Variants in MEF2C observed in about 807,000 individuals in gnomAD.
MEF2C encodes myocyte-specific enhancer factor 2C.
In MEF2C, 6 loss-of-function variants were observed where a neutral mutation model predicts 50.5. The ratio of observed to expected loss-of-function variants is 0.12; its 90% CI spans 0.07 to 0.23. The LOEUF is 0.23. Among genes scored for constraint, MEF2C ranks in the 10% least tolerant of loss-of-function variants. MEF2C has a pLI of 1.00. For synonymous variants in MEF2C, 183 were observed against 228.0 expected (o/e 0.80, Z 1.78); for missense variants, 276 against 605.0 (o/e 0.46, Z 5.70).
In MEF2C at chr5:88,720,627, A is replaced by G. The variant is rs1323060802; in HGVS notation, c.*1977T>C. The G allele has an allele frequency of 6.6e-6, 1 of 152,578 alleles. No homozygotes were observed. Among genetic ancestry groups the G allele is most frequent in the Non-Finnish European group, 1.5e-5 (1 of 68,000 alleles). 9.5% of individuals were successfully genotyped at this position (152,578 alleles called of 1,614,324 possible). ...TTCTTTGCTGTGTATGTCAATGCAT[A>G]TGATTGGAGATGAATCGACAGATCT... On this transcript the variant is annotated 3_prime_UTR_variant, in exon 11 of 11. Transcript: ENST00000504921.
intron 3 of MEF2C, among the ~76,000 whole-genome samples, chr5:88,794,957 G>T (rs183968552): frequency 6.6e-6 from 1 of 152,136 alleles, no homozygotes; most frequent in Non-Finnish European, 1.5e-5. Context: ...AGTTGTAGAT[G>T]TGTGGCATTA....
In MEF2C at chr5:88,747,444, G is replaced by T. The variant is rs1381077165; in HGVS notation, c.637+1626C>A. The stretch of plus-strand genomic sequence containing the variant: ...GCTCACTGCAAGCTCTGCCTCCCGG[G>T]TTCACGCCATTCTCCTGCCTCAGCC... On this transcript the variant is annotated intron_variant, in intron 6 of 10. Transcript: ENST00000504921. Among the ~76,000 whole-genome samples the T allele has an allele frequency of 1.3e-4, 5 of 39,130 alleles. 2 individuals carry two copies. The highest frequency in any genetic ancestry group is 3.7e-4 in the Non-Finnish European group (5 of 13,576). The allele number at this position is 39,130 out of a possible 152,430, so 25.7% of individuals were successfully genotyped here. A position where few individuals can be genotyped will look rare whatever the true frequency, so the allele number is the denominator to read the frequency against.
In MEF2C at chr5:88,747,333, CTTTTTTTTTTTTTTTTT is replaced by C. The variant is rs950842424; in HGVS notation, c.637+1720_637+1736del. 2.7e-3 allele frequency among the ~76,000 whole-genome samples: 58 copies of C among 21,748 alleles called. 2 individuals are homozygous for C. Among genetic ancestry groups the C allele is most frequent in the African/African-American group, 5.4e-3 (49 of 9,050 alleles). The allele number at this position is 21,748 out of a possible 152,430, so 14.3% of individuals were successfully genotyped here. On this transcript the variant is annotated intron_variant, in intron 6 of 10. Coordinates refer to ENST00000504921, the MANE Select transcript of MEF2C (RefSeq NM_002397.5). ...CTCCACATTTTTTTTTTTTTTACTACTTTTTTTTTTTTTTTTTTTTTTTTTTTTTTTTTGAGACGGAG... is the reference window on the plus strand; with the variant it reads ...CTCCACATTTTTTTTTTTTTTACTACTTTTTTTTTTTTTTTTGAGACGGAG...
rs1220100689 is a variant in MEF2C at position 88,717,924 on chromosome 5, T to C, written c.*4680A>G. 6.6e-6 allele frequency: 1 copy of C among 152,236 alleles called. No homozygotes were observed. Among genetic ancestry groups the C allele is most frequent in the Non-Finnish European group, 1.5e-5 (1 of 68,036 alleles). 9.4% of individuals were successfully genotyped at this position (152,236 alleles called of 1,614,324 possible). A position where few individuals can be genotyped will look rare whatever the true frequency, so the allele number is the denominator to read the frequency against. On this transcript the variant is annotated 3_prime_UTR_variant, in exon 11 of 11. Transcript: ENST00000504921. ...TTATGGTACTGCTTTTCACAGTGGC[T>C]TTTGAAAAATTCTGTACATTTAAAC...
chr5:88,796,639 G>A (rs910923941), intron 3 of MEF2C, among the ~76,000 whole-genome samples: 5 of 151,466 alleles, frequency 3.3e-5, no homozygotes, highest in African/African-American at 4.8e-5. Context: ...CCTTCAGTTC[G>A]GCTCTTAGTT....
chr5:88,806,045 C>A (rs1479836941), intron 2 of MEF2C, among the ~76,000 whole-genome samples: 2 of 151,856 alleles, frequency 1.3e-5, no homozygotes, highest in Admixed American at 1.3e-4. Flanking sequence ...ACCTTTTAAA[C>A]TTTGTTTAAC....
chr5:88,887,412 A>G (rs1311547585), upstream of MEF2C: 1 of 152,234 alleles, frequency 6.6e-6, no homozygotes, highest in Non-Finnish European at 1.5e-5. Context: ...ATACACGTCT[A>G]TTCTGTAAAT....
At chr5:88,749,477 G>C (rs1303203383) in intron 5 of MEF2C, 12 of 984,736 alleles carry the variant, frequency 1.2e-5, no homozygotes, top group Non-Finnish European at 1.4e-5. Context: ...CCTCACATTT[G>C]ATGTTTAGTT....
chr5:88,828,909 A>G (rs1246797269), intron 1 of MEF2C, among the ~76,000 whole-genome samples: 3 of 151,832 alleles, frequency 2.0e-5, no homozygotes, highest in Non-Finnish European at 4.4e-5. Context: ...ATTTCTCTCT[A>G]AGCTTACCAT....
At chr5:88,806,572 A>C (rs905256137) in intron 2 of MEF2C, among the ~76,000 whole-genome samples, 1 of 152,164 alleles carries the variant, frequency 6.6e-6, no homozygotes, top group Non-Finnish European at 1.5e-5. Context: ...TATGTTGACA[A>C]GGACTGTGGA....
At chr5:88,729,173 TA>T (rs1262131799) in intron 9 of MEF2C, 44 bp downstream of exon 9, 3 of 1,608,460 alleles carry the variant, frequency 1.9e-6, no homozygotes, top group Non-Finnish European at 2.6e-6. Flanking sequence ...TGATTTTCAA[TA>T]AAAAGTATTT....
chr5:88,865,620 G>A (rs911978043), intron 1 of MEF2C, among the ~76,000 whole-genome samples: 1 of 152,106 alleles, frequency 6.6e-6, no homozygotes, highest in African/African-American at 2.4e-5. Flanking sequence ...TGGAGTCTTA[G>A]AGCGTGCTTT....
At position 88,761,268 on chromosome 5, in the gene MEF2C, C is replaced by T. The variant is rs750647048; in HGVS notation, c.319G>A (p.Val107Ile). 22 of 1,613,898 alleles carry T rather than the reference C, an allele frequency of 1.4e-5. No individual in the cohort carries two copies. The highest frequency in any genetic ancestry group is 2.7e-5 in the African/African-American group (2 of 74,936). Residue 107 changes from valine to isoleucine, a missense_variant, in exon 4 of 11, where the codon GTA becomes ATA. Transcript: ENST00000504921. ...TCCTCAGACTCAGGGCTGTGACCTA[C>T]GGAATCGTCCGCATCGGGGTCTGGG... The part of the protein sequence containing the change: ...DSPDPDADDS[V>I]GHSPESEDKY...
intron 3 of MEF2C, chr5:88,769,806 G>T: frequency 4.9e-6 from 1 of 202,436 alleles, no homozygotes; most frequent in Non-Finnish European, 8.8e-6. Flanking sequence ...CATCAAGTCT[G>T]GCTAATTTTT....
intron 6 of MEF2C, chr5:88,736,986 C>CT: frequency 1.0e-6 from 1 of 985,184 alleles, no homozygotes; most frequent in Non-Finnish European, 1.2e-6. Flanking sequence ...ACTGAATTCA[C>CT]TCCCCTCTGC....
chr5:88,807,008 A>G (rs2153088843), intron 2 of MEF2C, among the ~76,000 whole-genome samples: 1 of 152,350 alleles, frequency 6.6e-6, no homozygotes, highest in East Asian at 1.9e-4. Flanking sequence ...ATGTATGTAT[A>G]TATGTGATAA....
At chr5:88,734,714 T>A (rs1190118288) in intron 6 of MEF2C, 1 of 983,692 alleles carries the variant, frequency 1.0e-6, no homozygotes, top group Non-Finnish European at 1.2e-6. Context: ...ATATACATTG[T>A]AGCTTTTCAT....
intron 1 of MEF2C, among the ~76,000 whole-genome samples, chr5:88,857,962 C>G (rs913064420): frequency 3.3e-5 from 5 of 152,152 alleles, no homozygotes; most frequent in Admixed American, 2.6e-4. Context: ...AATCTCAAAG[C>G]ATGATTTTAA....
chr5:88,863,185 C>G (rs1021802435), intron 1 of MEF2C, among the ~76,000 whole-genome samples: 2 of 152,214 alleles, frequency 1.3e-5, no homozygotes, highest in African/African-American at 4.8e-5. Context: ...GCGTTTACCT[C>G]ATTTTCAACA....
Sources: allele counts gnomAD v4.1 joint callset (sites outside exome capture counted in the v4.1 genomes callset), GRCh38; gene constraint gnomAD v4.1.1; transcripts MANE v1.5; gene names NCBI Gene and HGNC (gene_info 2026-07-23, HGNC 2026-07-21).